GASK1A: variants seen among roughly 807,000 people sequenced by gnomAD.
GASK1A encodes the protein golgi associated kinase 1A, also known as Golgi-associated kinase 1A.
GASK1A carries 40 observed loss-of-function variants against 41.2 expected under a neutral mutation model. The observed-to-expected ratio is 0.97, with a 90% CI of 0.75 to 1.27. GASK1A has a LOEUF of 1.27. GASK1A is among the 50% of genes most tolerant of loss of function. GASK1A has a pLI of 0.00. For synonymous variants in GASK1A, 316 were observed against 307.1 expected (o/e 1.03, Z -0.30); for missense variants, 678 against 745.1 (o/e 0.91, Z 1.05).
At position 43,008,624 on chromosome 3, in the gene GASK1A, G is replaced by A. The variant is rs142715916; in HGVS notation, c.4-23643G>A. ...GCCAGTCTTCTAAGAGGTATTTTGT[G>A]TCTGAGCCCTGCTTTCCTGCTGCCA... On this transcript the variant is annotated intron_variant, in intron 1 of 4. Coordinates refer to ENST00000430121, the MANE Select transcript of GASK1A (RefSeq NM_001129908.3). Among the ~76,000 whole-genome samples, 746 of 152,348 alleles carry A rather than the reference G, an allele frequency of 4.9e-3. 11 individuals are homozygous for A. Among genetic ancestry groups the A allele is most frequent in the African/African-American group, 0.017 (690 of 41,580 alleles).
intron 1 of GASK1A, among the ~76,000 whole-genome samples, chr3:42,998,128 T>C (rs935476130): frequency 5.3e-5 from 8 of 152,164 alleles, no homozygotes; most frequent in Non-Finnish European, 7.4e-5. Flanking sequence ...CGCCTCACTG[T>C]CCACTGTATG....
At chr3:43,046,886 A>ACCTTCTAGG (rs2089665999) in intron 2 of GASK1A, among the ~76,000 whole-genome samples, 1 of 152,238 alleles carries the variant, frequency 6.6e-6, no homozygotes, top group Non-Finnish European at 1.5e-5. Context: ...CAAGCCCCAA[A>ACCTTCTAGG]CCTTCTAGGC....
At position 43,057,667 on chromosome 3, in the gene GASK1A, C is replaced by CA. The variant is rs1026087151; in HGVS notation, c.*1283dup. The CA allele has an allele frequency of 6.6e-6, 1 of 152,154 alleles. No individual in the cohort carries two copies. Among genetic ancestry groups the CA allele is most frequent in the African/African-American group, 2.4e-5 (1 of 41,448 alleles). 9.4% of individuals were successfully genotyped at this position (152,154 alleles called of 1,614,324 possible). A position where few individuals can be genotyped will look rare whatever the true frequency, so the allele number is the denominator to read the frequency against. ...AATCTTTGACTCTAATAAGTGTGAT[C>CA]AATCTTTTCTCTGCTGACTTGGTAT... On this transcript the variant is annotated 3_prime_UTR_variant, in exon 5 of 5. Coordinates refer to ENST00000430121, the MANE Select transcript of GASK1A (RefSeq NM_001129908.3).
At chr3:43,054,142 G>A (rs2089705335) in intron 3 of GASK1A, 2 of 252,822 alleles carry the variant, frequency 7.9e-6, no homozygotes, top group South Asian at 9.6e-5. Flanking sequence ...GGCCATTGGA[G>A]AGGGCAGAAT....
chr3:42,988,793 G>C (rs958836775), intron 1 of GASK1A, among the ~76,000 whole-genome samples: 1 of 152,228 alleles, frequency 6.6e-6, no homozygotes, highest in African/African-American at 2.4e-5. Flanking sequence ...CTGCCTCTCT[G>C]TGCTTCACAT....
At chr3:43,040,352 C>A (rs2089630130) in intron 2 of GASK1A, among the ~76,000 whole-genome samples, 1 of 152,080 alleles carries the variant, frequency 6.6e-6, no homozygotes, top group Admixed American at 6.6e-5. Context: ...TATTTATATG[C>A]CAGAGTCACA....
At position 43,033,058 on chromosome 3, in the gene GASK1A, T is replaced by C. The variant is rs2125686832; in HGVS notation, c.795T>C (p.Asp265=). 2 of 1,551,684 alleles carry C rather than the reference T, an allele frequency of 1.3e-6. No homozygotes were observed. Among genetic ancestry groups the C allele is most frequent in the East Asian group, 2.4e-5 (1 of 40,906 alleles). Residue 265 remains aspartate (D), a synonymous_variant, in exon 2 of 5, where the codon GAT becomes GAC. Coordinates refer to ENST00000430121, the MANE Select transcript of GASK1A (RefSeq NM_001129908.3). ...GQAPPWLTDH[D]VQMLRLLAQG... ...CTCCCCCATGGCTGACAGACCACGATGTGCAGATGCTCCGTCTGTTGGCAC... is the reference window on the plus strand; with the variant it reads ...CTCCCCCATGGCTGACAGACCACGACGTGCAGATGCTCCGTCTGTTGGCAC...
chr3:43,018,112 G>A (rs2089503361), intron 1 of GASK1A, among the ~76,000 whole-genome samples: 1 of 152,170 alleles, frequency 6.6e-6, no homozygotes, highest in Admixed American at 6.5e-5. Context: ...AGCAAAAATC[G>A]CAGCAAAATC....
At chr3:43,000,224 T>C (rs2089402048) in intron 1 of GASK1A, among the ~76,000 whole-genome samples, 1 of 112,242 alleles carries the variant, frequency 8.9e-6, no homozygotes, top group African/African-American at 3.1e-5. Context: ...AGCTGCGTGC[T>C]CCTGGGGCCG....
chr3:43,055,757 A>G, intron 4 of GASK1A: 1 of 537,798 alleles, frequency 1.9e-6, no homozygotes, highest in South Asian at 2.0e-5. Flanking sequence ...TGCCTGCAGA[A>G]TACTAGCTGT....
At chr3:43,015,671 A>G (rs1027760666) in intron 1 of GASK1A, among the ~76,000 whole-genome samples, 1 of 150,668 alleles carries the variant, frequency 6.6e-6, no homozygotes, top group African/African-American at 2.5e-5. Flanking sequence ...GGCAGTGGGA[A>G]GTCACAGGTA....
In GASK1A at chr3:43,033,250, C is replaced by G. The variant is rs756517681; in HGVS notation, c.987C>G (p.Val329=). The G allele has an allele frequency of 6.4e-7, 1 of 1,551,736 alleles. No individual in the cohort carries two copies. Among genetic ancestry groups the G allele is most frequent in the East Asian group, 2.4e-5 (1 of 40,922 alleles). The change falls in exon 2 of 5, where the codon GTC becomes GTG. Residue 329 remains valine (V), a synonymous_variant. Coordinates refer to ENST00000430121, the MANE Select transcript of GASK1A (RefSeq NM_001129908.3). ...LIKRPGDLPE[V]LSFHVDRVLG... is the part of the protein sequence containing the mutation. ...AGAGGCCTGGGGACCTGCCTGAGGTCCTGTCCTTCCACGTAGATCGTGTGC... is the reference window on the plus strand; with the variant it reads ...AGAGGCCTGGGGACCTGCCTGAGGTGCTGTCCTTCCACGTAGATCGTGTGC...
At chr3:42,997,210 A>G (rs1158815178) in intron 1 of GASK1A, among the ~76,000 whole-genome samples, 5 of 151,904 alleles carry the variant, frequency 3.3e-5, no homozygotes, top group East Asian at 3.9e-4. Flanking sequence ...TGACTCTGCA[A>G]CTCCCTTTCA....
At chr3:42,985,546 CGTGTGTGTGTGTGTGTGT>C (rs56195274) in intron 1 of GASK1A, among the ~76,000 whole-genome samples, 3 of 134,798 alleles carry the variant, frequency 2.2e-5, no homozygotes, top group South Asian at 2.7e-4. Flanking sequence ...CCTGTGCATA[CGTGTGTGTGTGTGTGTGT>C]GTGTGTGTGT....
intron 2 of GASK1A, among the ~76,000 whole-genome samples, chr3:43,050,544 T>C (rs545975853): frequency 6.6e-6 from 1 of 152,284 alleles, no homozygotes; most frequent in Non-Finnish European, 1.5e-5. Context: ...CTTGGACGTG[T>C]AGATCAATGC....
chr3:43,055,294 G>A lies in GASK1A; in HGVS notation c.1414-138G>A, dbSNP rs115269724. Reference sequence around the variant, plus strand: ...GCCCAGCATAGAGTAAGCACTCAGCGGTGAGGACTGTTTGTTAGGATGGAC... The same window carrying A: ...GCCCAGCATAGAGTAAGCACTCAGCAGTGAGGACTGTTTGTTAGGATGGAC... On this transcript the variant is annotated intron_variant, in intron 3 of 4. Coordinates refer to ENST00000430121, the MANE Select transcript of GASK1A (RefSeq NM_001129908.3). The A allele has an allele frequency of 8.0e-4, 496 of 621,936 alleles. 1 individual carries two copies. The African/African-American group carries it at 8.5e-3, about 11-fold the overall frequency. 38.5% of individuals were successfully genotyped at this position (621,936 alleles called of 1,614,324 possible).
chr3:42,993,078 T>A (rs2089350148), intron 1 of GASK1A, among the ~76,000 whole-genome samples: 1 of 152,258 alleles, frequency 6.6e-6, no homozygotes, highest in Non-Finnish European at 1.5e-5. Context: ...TTTGTCTGAC[T>A]ATTAAGCTAG....
At position 43,033,337 on chromosome 3, in the gene GASK1A, C is replaced by A; in HGVS notation, c.1074C>A (p.Tyr358Ter). 1 of 1,551,340 alleles carries A rather than the reference C, an allele frequency of 6.4e-7. No individual in the cohort carries two copies. The highest frequency in any genetic ancestry group is 8.7e-7 in the Non-Finnish European group (1 of 1,146,798). The change falls in exon 2 of 5, where the codon TAC (tyrosine) becomes TAA (stop). Residue 358 changes from tyrosine to a stop codon, truncating the protein, a stop_gained. Transcript: ENST00000430121. LOFTEE classifies it high-confidence loss of function. ...GCTTCCATAGCCCCCTCCTGCCCTA[C>A]CGATACACAGACGGTGGAGCAAGGC... ...ARRFHSPLLP[Y>*]RYTDGGARPV...
At chr3:43,015,762 T>G (rs2089487862) in intron 1 of GASK1A, among the ~76,000 whole-genome samples, 1 of 147,246 alleles carries the variant, frequency 6.8e-6, no homozygotes, top group Non-Finnish European at 1.5e-5. Flanking sequence ...AAAGGGGCAG[T>G]GTTAAGTCAC....
Sources: gnomAD v4.1 joint callset for allele counts (sites outside exome capture counted in the v4.1 genomes callset) on GRCh38, gnomAD v4.1.1 for gene constraint, MANE v1.5 for transcripts, NCBI Gene and HGNC (gene_info 2026-07-23, HGNC 2026-07-21) for gene names.